The following ZNF438 variants were observed in gnomAD, a reference collection of about 807,000 sequenced individuals.
ZNF438 encodes the protein zinc finger protein 438.
In ZNF438, 25 loss-of-function variants were observed where a neutral mutation model predicts 38.0. The observed-to-expected ratio is 0.66, with a 90% CI of 0.48 to 0.92. The LOEUF is 0.92. Among genes scored for constraint, ZNF438 ranks in the 40% least tolerant of loss-of-function variants. The pLI is 0.00. For synonymous variants in ZNF438, 372 were observed against 364.1 expected, an observed-to-expected ratio of 1.02 and a Z score of -0.25; for missense variants, 1,007 against 999.6, an observed-to-expected ratio of 1.01 and a Z score of -0.10.
intron 2 of ZNF438, among the ~76,000 whole-genome samples, chr10:30,927,485 C>G (rs1476612930): frequency 6.6e-6 from 1 of 152,214 alleles, no homozygotes; most frequent in African/African-American, 2.4e-5. Context: ...GGATCAGAAG[C>G]TAATGAAGGA....
chr10:30,849,147 G>C (rs1331532815), exon 5 of ZNF438: 1 of 1,613,654 alleles, frequency 6.2e-7, no homozygotes, highest in East Asian at 2.2e-5. Flanking sequence ...CTGAATTCTT[G>C]GGGATCATTT....
intron 3 of ZNF438, among the ~76,000 whole-genome samples, chr10:30,889,112 T>G (rs1182265934): frequency 6.6e-6 from 1 of 152,206 alleles, no homozygotes; most frequent in Non-Finnish European, 1.5e-5. Flanking sequence ...ATAATAGTAC[T>G]CATCATTTGC....
At chr10:30,898,007 A>G (rs1378891582) in intron 3 of ZNF438, among the ~76,000 whole-genome samples, 1 of 152,234 alleles carries the variant, frequency 6.6e-6, no homozygotes, top group Non-Finnish European at 1.5e-5. Flanking sequence ...ATTAAATATA[A>G]TATTACAAAA....
At chr10:30,956,029 G>A (rs1161755781) in intron 1 of ZNF438, among the ~76,000 whole-genome samples, 1 of 152,064 alleles carries the variant, frequency 6.6e-6, no homozygotes, top group East Asian at 1.9e-4. Flanking sequence ...CTAAATCACT[G>A]CAATTATAAC....
chr10:30,847,051 A>G (rs2153597), intron 5 of ZNF438, among the ~76,000 whole-genome samples: 99,644 of 151,908 alleles, frequency 0.66, 34,156 homozygotes, highest in African/African-American at 0.86. Context: ...GCTCGGTGCC[A>G]GCCTGCAGGT....
chr10:30,976,436 A>G (rs1256310866), intron 1 of ZNF438, among the ~76,000 whole-genome samples: 1 of 152,212 alleles, frequency 6.6e-6, no homozygotes, highest in Non-Finnish European at 1.5e-5. Context: ...AAAACAAAAC[A>G]CAAGTCATAA....
chr10:30,929,410 G>T (rs1323686459), intron 2 of ZNF438, among the ~76,000 whole-genome samples: 1 of 152,096 alleles, frequency 6.6e-6, no homozygotes, highest in Non-Finnish European at 1.5e-5. Context: ...TCTTAAGGCG[G>T]TGTGTCTGGA....
chr10:30,886,559 C>A (rs558869425), intron 3 of ZNF438, among the ~76,000 whole-genome samples: 2 of 152,278 alleles, frequency 1.3e-5, no homozygotes, highest in Admixed American at 1.3e-4. Flanking sequence ...TAAACATGCT[C>A]AGAATACTTA....
intron 1 of ZNF438, among the ~76,000 whole-genome samples, chr10:30,980,057 T>C (rs2051927347): frequency 6.6e-6 from 1 of 152,062 alleles, no homozygotes; most frequent in African/African-American, 2.4e-5. Context: ...AGAAGCTAGC[T>C]GATTACAAAT....
chr10:31,000,774 C>CAA (rs200771385), intron 1 of ZNF438, among the ~76,000 whole-genome samples: 17 of 115,730 alleles, frequency 1.5e-4, no homozygotes, highest in African/African-American at 4.8e-4. Flanking sequence ...GAAAAGCATG[C>CAA]AAAAAAAAAA....
rs959937422 is a variant in ZNF438 at position 30,962,912 on chromosome 10, C to CTAA, written c.-191-21262_-191-21261insTTA. Among the ~76,000 whole-genome samples, 8 of 152,202 alleles carry CTAA rather than the reference C, an allele frequency of 5.3e-5. No homozygotes were observed. The East Asian group carries it at 1.2e-3, about 22-fold the overall frequency. ...TCGTTTCTGTGTGGCATTATTTTTCCTTTAGCTATATAATAAAATAATACA... is the reference window on the plus strand; with the variant it reads ...TCGTTTCTGTGTGGCATTATTTTTCCTAATTTAGCTATATAATAAAATAATACA... On this transcript the variant is annotated intron_variant, in intron 1 of 5. Transcript: ENST00000413025.
chr10:30,935,641 TAAAG>T (rs1161241535), intron 2 of ZNF438, among the ~76,000 whole-genome samples: 2 of 152,202 alleles, frequency 1.3e-5, no homozygotes, highest in African/African-American at 4.8e-5. Flanking sequence ...CACATTGCTA[TAAAG>T]AAATACCAGA....
At chr10:30,913,573 T>A (rs369185614) in intron 2 of ZNF438, among the ~76,000 whole-genome samples, 16 of 152,140 alleles carry the variant, frequency 1.1e-4, no homozygotes, top group African/African-American at 2.9e-4. Context: ...CCCCTTTCTT[T>A]CAGGTTAGAG....
intron 2 of ZNF438, among the ~76,000 whole-genome samples, chr10:30,933,216 T>C (rs946662129): frequency 1.3e-5 from 2 of 152,054 alleles, no homozygotes; most frequent in African/African-American, 4.8e-5. Context: ...TAAATTCTGT[T>C]CAAAGAAAAA....
At chr10:30,972,576 G>T (rs1412409890) in intron 1 of ZNF438, among the ~76,000 whole-genome samples, 1 of 152,084 alleles carries the variant, frequency 6.6e-6, no homozygotes, top group Non-Finnish European at 1.5e-5. Context: ...TGGGCCTTTT[G>T]TGGCTCAGGC....
intron 2 of ZNF438, among the ~76,000 whole-genome samples, chr10:30,934,650 T>G (rs529034836): frequency 5.7e-4 from 87 of 152,378 alleles, no homozygotes; most frequent in African/African-American, 2.1e-3. Flanking sequence ...TCCTCAGGTG[T>G]GTTCTAAAAC....
At chr10:30,939,610 T>G (rs1037931570) in intron 2 of ZNF438, among the ~76,000 whole-genome samples, 36 of 152,202 alleles carry the variant, frequency 2.4e-4, no homozygotes, top group Admixed American at 1.7e-3. Flanking sequence ...TTGCCCTCAA[T>G]TTAGGTGACA....
intron 5 of ZNF438, among the ~76,000 whole-genome samples, chr10:30,847,965 T>C (rs1039287473): frequency 2.0e-5 from 3 of 152,192 alleles, no homozygotes; most frequent in Non-Finnish European, 2.9e-5. Context: ...ACGAGCCTAA[T>C]GGGCCAGAGC....
chr10:30,941,085 A>T (rs546775848), intron 2 of ZNF438, among the ~76,000 whole-genome samples: 254 of 152,110 alleles, frequency 1.7e-3, no homozygotes, highest in Middle Eastern at 0.01. Flanking sequence ...ATTTTATTTT[A>T]TTTTGACATG....
Sources: allele counts gnomAD v4.1 joint callset (sites outside exome capture counted in the v4.1 genomes callset), GRCh38; gene constraint gnomAD v4.1.1; transcripts MANE v1.5; gene names NCBI Gene and HGNC (gene_info 2026-07-23, HGNC 2026-07-21).